Variants in SMOC2 observed in about 807,000 individuals in gnomAD.
The protein encoded by SMOC2 is SPARC related modular calcium binding 2.
In SMOC2, 39 loss-of-function variants were observed where a neutral mutation model predicts 61.4. The ratio of observed to expected loss-of-function variants is 0.64; its 90% CI spans 0.49 to 0.83. The LOEUF (loss-of-function observed/expected upper bound fraction) is 0.83, where lower values mean the gene tolerates loss of function less well. Among genes scored for constraint, SMOC2 ranks in the 40% least tolerant of loss-of-function variants. The pLI, the probability that SMOC2 is intolerant of heterozygous loss-of-function variation, is 0.00. For missense variants in SMOC2, 556 were observed against 592.9 expected (o/e 0.94, Z 0.65); for synonymous variants, 247 against 239.9 (o/e 1.03, Z -0.27).
intron 1 of SMOC2, among the ~76,000 whole-genome samples, chr6:168,503,051 C>T (rs1002731684): frequency 7.1e-6 from 1 of 141,692 alleles, no homozygotes; most frequent in African/African-American, 2.7e-5. Context: ...CAGGTGTGAG[C>T]CGCCGTGCCT....
intron 11 of SMOC2, among the ~76,000 whole-genome samples, chr6:168,657,040 A>G (rs988800541): frequency 4.6e-5 from 7 of 152,244 alleles, no homozygotes; most frequent in African/African-American, 1.7e-4. Context: ...CTGGCCTCTA[A>G]TAAGACAAAA....
chr6:168,609,634 C>G (rs535184033), intron 9 of SMOC2, among the ~76,000 whole-genome samples: 3 of 152,160 alleles, frequency 2.0e-5, no homozygotes, highest in African/African-American at 7.2e-5. Context: ...CTCTGAAGTC[C>G]GATTTTAATA....
chr6:168,612,290 C>A (rs1785896640), intron 9 of SMOC2, among the ~76,000 whole-genome samples: 2 of 129,854 alleles, frequency 1.5e-5, no homozygotes, highest in South Asian at 5.3e-4. Context: ...GAGAGGGTGA[C>A]CCCAGCCTTT....
chr6:168,662,488 G>A (rs899604485), intron 11 of SMOC2, among the ~76,000 whole-genome samples: 2 of 152,162 alleles, frequency 1.3e-5, no homozygotes, highest in Non-Finnish European at 2.9e-5. Flanking sequence ...GGGAGAAGTC[G>A]GGCACTGGAG....
intron 1 of SMOC2, among the ~76,000 whole-genome samples, chr6:168,443,118 A>G (rs900718969): frequency 3.9e-5 from 6 of 152,258 alleles, no homozygotes; most frequent in African/African-American, 1.4e-4. Context: ...CCAGGACTGT[A>G]GCAGCAGGTA....
rs762736911 is a variant in SMOC2, at chr6:168,503,065, C to CTT, written c.85-6821_85-6820dup. 4.7e-3 allele frequency among the ~76,000 whole-genome samples: 227 copies of CTT among 47,822 alleles called. 24 individuals are homozygous for CTT. The highest frequency in any genetic ancestry group is 0.018 in the African/African-American group (175 of 9,574). 31.4% of individuals were successfully genotyped at this position (47,822 alleles called of 152,430 possible). A position where few individuals can be genotyped will look rare whatever the true frequency, so the allele number is the denominator to read the frequency against. On this transcript the variant is annotated intron_variant, in intron 1 of 12. Transcript: ENST00000356284. ...ACAGGTGTGAGCCGCCGTGCCTGGC[C>CTT]TTTTTTTTTTTTTTTTTTTTTTTTT...
intron 1 of SMOC2, among the ~76,000 whole-genome samples, chr6:168,480,301 G>T (rs1023046287): frequency 3.9e-5 from 6 of 152,064 alleles, no homozygotes; most frequent in Admixed American, 2.6e-4. Context: ...CCTGATAGCA[G>T]ATCTACTTGA....
intron 7 of SMOC2, among the ~76,000 whole-genome samples, chr6:168,581,630 G>C (rs1784921676): frequency 6.6e-6 from 1 of 152,214 alleles, no homozygotes; most frequent in Admixed American, 6.5e-5. Flanking sequence ...TAGTTACCAG[G>C]AGTCTGAAAT....
At chr6:168,631,742 A>G (rs1174546728) in intron 9 of SMOC2, among the ~76,000 whole-genome samples, 1 of 151,920 alleles carries the variant, frequency 6.6e-6, no homozygotes, top group East Asian at 1.9e-4. Flanking sequence ...GTGTTTTCCT[A>G]TTTCCTCCTC....
chr6:168,598,016 A>G (rs1214425612), intron 7 of SMOC2, among the ~76,000 whole-genome samples: 2 of 152,268 alleles, frequency 1.3e-5, no homozygotes, highest in Non-Finnish European at 2.9e-5. Flanking sequence ...AGAATTTTTA[A>G]GTCATTGTTT....
At chr6:168,545,746 T>C (rs9456180) in intron 5 of SMOC2, among the ~76,000 whole-genome samples, 21,054 of 152,246 alleles carry the variant, frequency 0.14, 4,231 homozygotes, top group African/African-American at 0.45. Flanking sequence ...GACTGGGGAA[T>C]GGGCTGGTGG....
intron 1 of SMOC2, among the ~76,000 whole-genome samples, chr6:168,488,740 C>T (rs1386898414): frequency 6.6e-6 from 1 of 151,918 alleles, no homozygotes; most frequent in East Asian, 1.9e-4. Context: ...CGTCTGGGTC[C>T]CCTTGGATCA....
In SMOC2 at chr6:168,443,026, A is replaced by AC. The variant is rs540660267; in HGVS notation, c.84+1578dup. Among the ~76,000 whole-genome samples the AC allele has an allele frequency of 2.8e-3, 421 of 152,100 alleles. 1 individual carries two copies. Among genetic ancestry groups the AC allele is most frequent in the Non-Finnish European group, 4.7e-3 (321 of 68,004 alleles). On this transcript the variant is annotated intron_variant, in intron 1 of 12. Coordinates refer to ENST00000356284, the MANE Select transcript of SMOC2 (RefSeq NM_001166412.2). ...TACTCACGTATACACTCACAAAAAGACCCCCCACATACTCTTAAAGCACAC... is the reference window on the plus strand; with the variant it reads ...TACTCACGTATACACTCACAAAAAGACCCCCCCACATACTCTTAAAGCACAC...
chr6:168,476,656 A>T (rs769525598), intron 1 of SMOC2, among the ~76,000 whole-genome samples: 1 of 152,100 alleles, frequency 6.6e-6, no homozygotes, highest in Non-Finnish European at 1.5e-5. Flanking sequence ...ACATACATAC[A>T]TATATATTTA....
At chr6:168,477,957 T>C (rs1782128142) in intron 1 of SMOC2, among the ~76,000 whole-genome samples, 1 of 152,186 alleles carries the variant, frequency 6.6e-6, no homozygotes, top group Non-Finnish European at 1.5e-5. Context: ...AGGAGAAAAC[T>C]GCTCATAAAG....
chr6:168,513,705 G>T (rs1002438490), intron 2 of SMOC2, among the ~76,000 whole-genome samples: 2 of 152,140 alleles, frequency 1.3e-5, no homozygotes, highest in East Asian at 1.9e-4. Context: ...CTTGAAGAGC[G>T]CTGAGGCTGC....
rs1783714140 is a variant in SMOC2, at chr6:168,535,716, C to T, written c.464-7909C>T. ...CATTTGGTTTCTTCATCCACAGAAA[C>T]ACCGAAGTGGCAAAACTGAGGTTGA... On this transcript the variant is annotated intron_variant, in intron 4 of 12. Transcript: ENST00000356284. The surrounding 1 kb of genome is among the most constrained non-coding windows in gnomAD (Gnocchi z 4.6). Among the ~76,000 whole-genome samples, 1 of 152,240 alleles carries T rather than the reference C, an allele frequency of 6.6e-6. No homozygotes were observed. The highest frequency in any genetic ancestry group is 2.4e-5 in the African/African-American group (1 of 41,458).
chr6:168,611,019 T>G lies in SMOC2; in HGVS notation c.907+2780T>G, dbSNP rs115524781. On this transcript the variant is annotated intron_variant, in intron 9 of 12. Transcript: ENST00000356284. Reference sequence around the variant, plus strand: ...CTTGGACAGGTTCACCTCACTTTATTTTGCCCTGGCATCTCTGATCACACT... The same window carrying G: ...CTTGGACAGGTTCACCTCACTTTATGTTGCCCTGGCATCTCTGATCACACT... Among the ~76,000 whole-genome samples, 617 of 152,334 alleles carry G rather than the reference T, an allele frequency of 4.1e-3. 4 individuals carry two copies. The highest frequency in any genetic ancestry group is 0.014 in the African/African-American group (602 of 41,578).
At chr6:168,524,211 G>A (rs12200380) in intron 2 of SMOC2, among the ~76,000 whole-genome samples, 29,476 of 152,040 alleles carry the variant, frequency 0.19, 3,067 homozygotes, top group Admixed American at 0.25. Flanking sequence ...GATTTAACAC[G>A]AGATATCCAG....
Sources: allele counts gnomAD v4.1 joint callset (sites outside exome capture counted in the v4.1 genomes callset), GRCh38; gene constraint gnomAD v4.1.1; non-coding constraint Gnocchi (gnomAD v3.1); transcripts MANE v1.5; gene names NCBI Gene and HGNC (gene_info 2026-07-23, HGNC 2026-07-21).